The following YAP1 variants were observed in gnomAD, a reference collection of about 807,000 sequenced individuals.
YAP1 encodes the protein transcriptional coactivator YAP1.
A neutral mutation model predicts 56.9 loss-of-function variants in YAP1; 5 were observed. That is an observed-to-expected ratio of 0.09 (90% CI 0.05 to 0.18). The LOEUF is 0.18. Ranked by LOEUF, YAP1 falls within the 10% of genes least tolerant of loss-of-function variation. The pLI is 1.00. For missense variants in YAP1, 539 were observed against 651.8 expected, an observed-to-expected ratio of 0.83 and a Z score of 1.88; for synonymous variants, 265 against 248.1, an observed-to-expected ratio of 1.07 and a Z score of -0.64.
At chr11:102,116,132 G>A (rs1378153405) in intron 2 of YAP1, among the ~76,000 whole-genome samples, 1 of 152,078 alleles carries the variant, frequency 6.6e-6, no homozygotes, top group Admixed American at 6.6e-5. Flanking sequence ...TGTGGGTTCA[G>A]CATTCATGGA....
At position 102,186,006 on chromosome 11, in the gene YAP1, T is replaced by TC; in HGVS notation, c.689-11dup. 6.5e-7 allele frequency: 1 copy of TC among 1,542,170 alleles called. No individual in the cohort carries two copies. Among genetic ancestry groups the TC allele is most frequent in the Non-Finnish European group, 8.7e-7 (1 of 1,153,628 alleles). ...AAAAACCATGATTTTTTTTTTTTTT[T>TC]CTGTATTATAGGTCCTCTTCCTGAT... is the stretch of plus-strand genomic sequence containing the variant. On this transcript the variant is annotated splice_polypyrimidine_tract_variant and intron_variant, in intron 3 of 8. Coordinates refer to ENST00000282441, the MANE Select transcript of YAP1 (RefSeq NM_001130145.3).
At chr11:102,174,741 A>G (rs1947134489) in intron 3 of YAP1, among the ~76,000 whole-genome samples, 1 of 152,176 alleles carries the variant, frequency 6.6e-6, no homozygotes, top group Non-Finnish European at 1.5e-5. Context: ...TCCTAGGGAT[A>G]CAAAGACAAA....
chr11:102,225,356 A>T (rs1950146385), intron 7 of YAP1, among the ~76,000 whole-genome samples: 2 of 152,112 alleles, frequency 1.3e-5, no homozygotes, highest in Non-Finnish European at 2.9e-5. Flanking sequence ...ATGGTCACGC[A>T]TGCCTATAAT....
At chr11:102,144,952 C>T (rs568590296) in intron 2 of YAP1, among the ~76,000 whole-genome samples, 1 of 152,134 alleles carries the variant, frequency 6.6e-6, no homozygotes, top group South Asian at 2.1e-4. Context: ...TCCTTCCCTC[C>T]CTCTCAGCTA....
chr11:102,141,000 G>A (rs1944989446), intron 2 of YAP1, among the ~76,000 whole-genome samples: 1 of 152,144 alleles, frequency 6.6e-6, no homozygotes, highest in African/African-American at 2.4e-5. Flanking sequence ...TCACTGAATG[G>A]TGGCTTTTGG....
chr11:102,162,585 T>G lies in YAP1; in HGVS notation c.688+14T>G, dbSNP rs954142507. The G allele has an allele frequency of 1.2e-6, 2 of 1,609,338 alleles. No homozygotes were observed. Among genetic ancestry groups the G allele is most frequent in the Non-Finnish European group, 1.7e-6 (2 of 1,175,726 alleles). ...ACTCGGCTTCAGGTGAGTGAGACAC[T>G]GTAATTACAGCACATGGAGTAATGC... On this transcript the variant is annotated intron_variant, in intron 3 of 8. Transcript: ENST00000282441.
At chr11:102,139,726 T>G (rs895378866) in intron 2 of YAP1, among the ~76,000 whole-genome samples, 1 of 152,206 alleles carries the variant, frequency 6.6e-6, no homozygotes, top group African/African-American at 2.4e-5. Flanking sequence ...CTTACGCTTA[T>G]AAAAACAGAT....
chr11:102,232,834 C>T lies in YAP1; in HGVS notation c.*2894C>T, dbSNP rs923857151. 7.2e-5 allele frequency: 11 copies of T among 152,574 alleles called. No homozygotes were observed. The highest frequency in any genetic ancestry group is 2.4e-4 in the African/African-American group (10 of 41,440). The allele number at this position is 152,574 out of a possible 1,614,324, so 9.5% of individuals were successfully genotyped here. A position where few individuals can be genotyped will look rare whatever the true frequency, so the allele number is the denominator to read the frequency against. The stretch of plus-strand genomic sequence containing the variant: ...ACATTGATTTGGAGTTTCAGATCTT[C>T]CAAAGCACTATTTGTTGTAATAACT... On this transcript the variant is annotated 3_prime_UTR_variant, in exon 9 of 9. Coordinates refer to ENST00000282441, the MANE Select transcript of YAP1 (RefSeq NM_001130145.3).
intron 6 of YAP1, among the ~76,000 whole-genome samples, chr11:102,213,379 A>T (rs551162644): frequency 6.6e-6 from 1 of 152,168 alleles, no homozygotes; most frequent in Non-Finnish European, 1.5e-5. Flanking sequence ...CCAGCTGCTC[A>T]GGAGGCTGAG....
intron 4 of YAP1, among the ~76,000 whole-genome samples, chr11:102,203,354 C>G (rs1357315425): frequency 1.3e-5 from 2 of 152,080 alleles, no homozygotes; most frequent in African/African-American, 4.8e-5. Flanking sequence ...AACAATAATT[C>G]CCTTGATAAT....
At chr11:102,199,715 C>T (rs1948754341) in intron 4 of YAP1, among the ~76,000 whole-genome samples, 1 of 152,102 alleles carries the variant, frequency 6.6e-6, no homozygotes, top group African/African-American at 2.4e-5. Context: ...CCACATGAAG[C>T]ATTGAGGGTA....
intron 2 of YAP1, among the ~76,000 whole-genome samples, chr11:102,139,180 A>G (rs557406221): frequency 1.3e-5 from 2 of 152,148 alleles, no homozygotes; most frequent in African/African-American, 4.8e-5. Flanking sequence ...TCATACTCCC[A>G]AAATGAGTAA....
chr11:102,111,351 C>A (rs1353103107), intron 1 of YAP1, among the ~76,000 whole-genome samples, 182 bp downstream of exon 1: 1 of 152,148 alleles, frequency 6.6e-6, no homozygotes, highest in Non-Finnish European at 1.5e-5. Context: ...ACCAGCTCCC[C>A]ACTCCTCCCA....
At chr11:102,217,370 G>C (rs1330763229) in intron 6 of YAP1, among the ~76,000 whole-genome samples, 2 of 152,088 alleles carry the variant, frequency 1.3e-5, no homozygotes, top group Non-Finnish European at 2.9e-5. Context: ...TAAATTTTTA[G>C]AGTATCCAAG....
intron 2 of YAP1, among the ~76,000 whole-genome samples, chr11:102,133,518 A>G (rs1944496223): frequency 6.6e-6 from 1 of 152,180 alleles, no homozygotes; most frequent in African/African-American, 2.4e-5. Flanking sequence ...GCTGGTTTCA[A>G]ACTCCAAGGC....
At chr11:102,199,316 A>G (rs1251188130) in intron 4 of YAP1, among the ~76,000 whole-genome samples, 3 of 152,202 alleles carry the variant, frequency 2.0e-5, no homozygotes, top group Non-Finnish European at 2.9e-5. Flanking sequence ...TGTGTTTTTT[A>G]TGATACCTGT....
intron 3 of YAP1, among the ~76,000 whole-genome samples, chr11:102,184,076 CA>C (rs1226783169): frequency 2.0e-3 from 94 of 47,184 alleles, no homozygotes; most frequent in South Asian, 0.017. Context: ...GACTCCGTCT[CA>C]AAAAAAAAAA....
intron 2 of YAP1, among the ~76,000 whole-genome samples, chr11:102,131,376 A>G (rs1944360616): frequency 6.6e-6 from 1 of 152,176 alleles, no homozygotes; most frequent in African/African-American, 2.4e-5. Context: ...AATAGGGACA[A>G]AATTAATAAC....
At chr11:102,141,950 T>C (rs1345506301) in intron 2 of YAP1, among the ~76,000 whole-genome samples, 3 of 152,220 alleles carry the variant, frequency 2.0e-5, no homozygotes, top group Admixed American at 6.5e-5. Flanking sequence ...TCGTAAGAAC[T>C]TTTGCAGCTC....
Sources: allele counts gnomAD v4.1 joint callset (sites outside exome capture counted in the v4.1 genomes callset), GRCh38; gene constraint gnomAD v4.1.1; transcripts MANE v1.5; gene names NCBI Gene and HGNC (gene_info 2026-07-23, HGNC 2026-07-21).